The following FBXL17 variants were observed in gnomAD, a reference collection of about 807,000 sequenced individuals.
FBXL17 encodes the protein F-box and leucine rich repeat protein 17, also known as F-box/LRR-repeat protein 17.
Under a neutral mutation model 66.2 loss-of-function variants are expected in FBXL17, and 22 were observed. That is an observed-to-expected ratio of 0.33 (90% CI 0.24 to 0.47). FBXL17 has a LOEUF of 0.47. Among genes scored for constraint, FBXL17 ranks in the 20% least tolerant of loss-of-function variants. The probability of loss-of-function intolerance (pLI) is 1.00; values close to 1 mark genes in which losing one functional copy is unlikely to be tolerated. For synonymous variants in FBXL17, 474 were observed against 400.5 expected (o/e 1.18, Z -2.19); for missense variants, 878 against 948.2 (o/e 0.93, Z 0.97).
At chr5:108,315,777 A>T (rs1055437302) in intron 4 of FBXL17, among the ~76,000 whole-genome samples, 1 of 151,634 alleles carries the variant, frequency 6.6e-6, no homozygotes, top group Non-Finnish European at 1.5e-5. Flanking sequence ...TTCAATTAGG[A>T]TATAAATCTA....
At chr5:107,976,092 CAT>C (rs1752575047) in intron 7 of FBXL17, among the ~76,000 whole-genome samples, 1 of 152,102 alleles carries the variant, frequency 6.6e-6, no homozygotes, top group African/African-American at 2.4e-5. Flanking sequence ...CTCCTGACCT[CAT>C]AATCTGCCTG....
intron 4 of FBXL17, among the ~76,000 whole-genome samples, chr5:108,239,794 G>A (rs575170908): frequency 1.8e-4 from 28 of 151,996 alleles, no homozygotes; most frequent in Admixed American, 1.6e-3. Context: ...GCAGCTCCAG[G>A]AGAGACTCCT....
At chr5:107,886,470 A>G (rs1326692547) in intron 7 of FBXL17, among the ~76,000 whole-genome samples, 1 of 152,112 alleles carries the variant, frequency 6.6e-6, no homozygotes, top group Non-Finnish European at 1.5e-5. Flanking sequence ...AAGGAATCAG[A>G]GCTTCATAGA....
chr5:107,950,280 T>C (rs911662271), intron 7 of FBXL17, among the ~76,000 whole-genome samples: 1 of 152,140 alleles, frequency 6.6e-6, no homozygotes, highest in African/African-American at 2.4e-5. Context: ...ATTTTAAATA[T>C]ACAATATTTG....
chr5:108,166,617 AC>A (rs1318640779), intron 6 of FBXL17, among the ~76,000 whole-genome samples: 3 of 152,352 alleles, frequency 2.0e-5, no homozygotes, highest in Non-Finnish European at 4.4e-5. Context: ...TATGAAAAAA[AC>A]ATGGTAAAAA....
chr5:107,966,238 G>A (rs1752132328), intron 7 of FBXL17, among the ~76,000 whole-genome samples: 1 of 152,018 alleles, frequency 6.6e-6, no homozygotes, highest in South Asian at 2.1e-4. Flanking sequence ...TGGCTCAAAG[G>A]GATAAGCCCT....
intron 2 of FBXL17, among the ~76,000 whole-genome samples, chr5:108,366,675 C>A (rs1748686575): frequency 6.6e-6 from 1 of 151,992 alleles, no homozygotes; most frequent in Non-Finnish European, 1.5e-5. Flanking sequence ...TTGCTTTACA[C>A]ATATCTGCTC....
At chr5:108,168,189 G>A (rs1239263061) in intron 6 of FBXL17, among the ~76,000 whole-genome samples, 1 of 152,056 alleles carries the variant, frequency 6.6e-6, no homozygotes, top group Non-Finnish European at 1.5e-5. Flanking sequence ...GTCAAAAGTT[G>A]TTGATTTTCC....
intron 4 of FBXL17, among the ~76,000 whole-genome samples, chr5:108,306,828 T>C (rs1468803577): frequency 6.6e-6 from 1 of 152,012 alleles, no homozygotes; most frequent in African/African-American, 2.4e-5. Flanking sequence ...CTTCACTAAT[T>C]AATTATCACT....
intron 4 of FBXL17, among the ~76,000 whole-genome samples, chr5:108,302,429 A>G (rs1454829420): frequency 1.3e-5 from 2 of 151,864 alleles, no homozygotes; most frequent in East Asian, 3.9e-4. Context: ...AAGCCTCTCT[A>G]AATGAGTCTT....
intron 7 of FBXL17, among the ~76,000 whole-genome samples, chr5:107,964,789 T>C (rs885625): frequency 0.049 from 7,399 of 152,172 alleles, 611 homozygotes; most frequent in African/African-American, 0.17. Flanking sequence ...CTCTTCTTTT[T>C]GGATTTTGTC....
At chr5:108,013,435 C>CCAAGGG (rs1754259690) in intron 7 of FBXL17, among the ~76,000 whole-genome samples, 4 of 152,322 alleles carry the variant, frequency 2.6e-5, no homozygotes, top group African/African-American at 7.2e-5. Flanking sequence ...GACACCTGTT[C>CCAAGGG]TTGCTCTGAG....
Position 107,927,015 on chromosome 5 carries a change from G to A in FBXL17, c.1823-45836C>T, listed in dbSNP as rs377197665. ...AATAATAATTGAAAATTGCATAAGT[G>A]AATGAGCAAGTTTTTAGAAAAAAAG... On this transcript the variant is annotated intron_variant, in intron 7 of 8. Transcript: ENST00000542267. Among the ~76,000 whole-genome samples the A allele has an allele frequency of 1.6e-4, 25 of 151,900 alleles. No individual in the cohort carries two copies. The East Asian group carries it at 4.8e-3, about 29-fold the overall frequency.
intron 7 of FBXL17, among the ~76,000 whole-genome samples, chr5:107,904,698 T>C (rs976361548): frequency 2.6e-5 from 4 of 152,174 alleles, no homozygotes; most frequent in South Asian, 4.1e-4. Flanking sequence ...TATTTATTCA[T>C]GCTAATAATA....
chr5:108,212,582 T>C (rs187561050), intron 5 of FBXL17, among the ~76,000 whole-genome samples: 40 of 152,326 alleles, frequency 2.6e-4, no homozygotes, highest in South Asian at 6.2e-4. Flanking sequence ...TCTGCTGCTG[T>C]CTGCTGGAGT....
intron 6 of FBXL17, among the ~76,000 whole-genome samples, chr5:108,073,943 T>C (rs1748442360): frequency 6.6e-6 from 1 of 152,176 alleles, no homozygotes; most frequent in Non-Finnish European, 1.5e-5. Flanking sequence ...CTTTATATAT[T>C]ACCCAGTCTC....
intron 4 of FBXL17, among the ~76,000 whole-genome samples, chr5:108,272,087 G>A (rs530692931): frequency 7.9e-5 from 12 of 152,158 alleles, no homozygotes; most frequent in East Asian, 3.9e-4. Flanking sequence ...TCATGAGATC[G>A]AGACCATCCT....
At chr5:108,042,953 G>A (rs1433394821) in intron 6 of FBXL17, among the ~76,000 whole-genome samples, 1 of 152,058 alleles carries the variant, frequency 6.6e-6, no homozygotes, top group African/African-American at 2.4e-5. Context: ...CTCAATTGTG[G>A]TTTTAATTTA....
At chr5:108,131,467 C>G (rs766847831) in intron 6 of FBXL17, among the ~76,000 whole-genome samples, 1 of 152,106 alleles carries the variant, frequency 6.6e-6, no homozygotes, top group African/African-American at 2.4e-5. Context: ...AGATAACTTA[C>G]ATGGGCATTA....
Sources: allele counts gnomAD v4.1 joint callset (sites outside exome capture counted in the v4.1 genomes callset), GRCh38; gene constraint gnomAD v4.1.1; transcripts MANE v1.5; gene names NCBI Gene and HGNC (gene_info 2026-07-23, HGNC 2026-07-21).